The following GTF3C5 variants were observed in gnomAD, a reference collection of about 807,000 sequenced individuals.
The protein encoded by GTF3C5 is general transcription factor 3C polypeptide 5.
A neutral mutation model predicts 61.0 loss-of-function variants in GTF3C5; 47 were observed. The observed-to-expected ratio is 0.77, with a 90% CI of 0.61 to 0.98. The LOEUF (loss-of-function observed/expected upper bound fraction) is 0.98. Among genes scored for constraint, GTF3C5 ranks in the 50% least tolerant of loss-of-function variants. The pLI is 0.00. For synonymous variants in GTF3C5, 295 were observed against 275.4 expected (o/e 1.07, Z -0.71); for missense variants, 659 against 703.3 (o/e 0.94, Z 0.71).
chr9:133,032,919 A>G (rs1243465768), intron 1 of GTF3C5, among the ~76,000 whole-genome samples: 3 of 152,202 alleles, frequency 2.0e-5, no homozygotes, highest in East Asian at 1.9e-4. Flanking sequence ...GAACAGTATT[A>G]TTTGGGATAA....
chr9:133,042,000 G>A lies in GTF3C5; in HGVS notation c.154-87G>A, dbSNP rs192088047. The A allele has an allele frequency of 3.0e-5, 27 of 890,168 alleles. No homozygotes were observed. In the Admixed American group the frequency reaches 4.5e-4, roughly 15 times the overall value. 55.1% of individuals were successfully genotyped at this position (890,168 alleles called of 1,614,324 possible). ...GCCTCCTGGCCTTTCCTGGATCACC[G>A]TCAGGCTTTTATTGAGAGAGGAGCA... On this transcript the variant is annotated intron_variant, in intron 1 of 10. Transcript: ENST00000372097.
At position 133,055,440 on chromosome 9, in the gene GTF3C5, G is replaced by C. The variant is rs1171056661; in HGVS notation, c.1168-572G>C. ...TGTCTGGGGCCCTGCCTATTTTCTA[G>C]GTTTTTTAGACCTTTGCTGCCTTCC... On this transcript the variant is annotated intron_variant, in intron 8 of 10. Coordinates refer to ENST00000372097, the MANE Select transcript of GTF3C5 (RefSeq NM_012087.4). The C allele has an allele frequency of 2.4e-6, 3 of 1,235,134 alleles. No individual in the cohort carries two copies. In the Admixed American group the frequency reaches 8.4e-5, roughly 34 times the overall value. The allele number at this position is 1,235,134 out of a possible 1,614,324, so 76.5% of individuals were successfully genotyped here.
At chr9:133,048,259 A>G (rs950090536) in intron 3 of GTF3C5, among the ~76,000 whole-genome samples, 8 of 152,242 alleles carry the variant, frequency 5.3e-5, no homozygotes, top group Non-Finnish European at 1.0e-4. Flanking sequence ...GCACTTTGGG[A>G]GGCCGAGGCG....
chr9:133,045,453 AC>A (rs1410329572), intron 3 of GTF3C5, among the ~76,000 whole-genome samples: 1 of 152,184 alleles, frequency 6.6e-6, no homozygotes, highest in Non-Finnish European at 1.5e-5. Flanking sequence ...ATGGAAAAAA[AC>A]TTTGCATTGT....
At position 133,054,757 on chromosome 9, in the gene GTF3C5, C is replaced by A. The variant is rs554493823; in HGVS notation, c.1115C>A (p.Pro372Gln). The A allele has an allele frequency of 6.3e-7, 1 of 1,584,850 alleles. No homozygotes were observed. Among genetic ancestry groups the A allele is most frequent in the East Asian group, 2.3e-5 (1 of 43,744 alleles). The change falls in exon 8 of 11, where the codon CCG becomes CAG. Residue 372 changes from proline to glutamine, a missense_variant. By Grantham distance (76) the Pro-to-Gln change is moderately conservative. Transcript: ENST00000372097. ...CATGACCTGAAGCAGGGCCTGGGCC[C>A]GTCGGGGACGAGTGGTGCTCGGAAA... The part of the protein sequence containing the change: ...TMHDLKQGLG[P>Q]SGTSGARKPA...
Position 133,056,031 on chromosome 9 carries a change from G to A in GTF3C5, c.1187G>A (p.Arg396Gln), listed in dbSNP as rs769998718. 6 of 1,614,114 alleles carry A rather than the reference G, an allele frequency of 3.7e-6. No homozygotes were observed. The highest frequency in any genetic ancestry group is 2.5e-6 in the Non-Finnish European group (3 of 1,179,982). The change falls in exon 9 of 11, where the codon CGG (arginine) becomes CAG (glutamine). Residue 396 changes from arginine (R) to glutamine (Q), a missense_variant. Transcript: ENST00000372097. ...CACCAGGACTCTGTCTACATCTTCC[G>A]GGAAGGGGCCTTGCCACCCTATCGG... ...YKLKDSVYIF[R>Q]EGALPPYRQM...
At chr9:133,045,322 C>T (rs114546815) in intron 3 of GTF3C5, among the ~76,000 whole-genome samples, 3,759 of 152,316 alleles carry the variant, frequency 0.025, 175 homozygotes, top group African/African-American at 0.085. Flanking sequence ...GTCAGCGCCA[C>T]GTCCCGCCGG....
Position 133,050,854 on chromosome 9 carries a change from A to T in GTF3C5, c.644A>T (p.Asn215Ile). Residue 215 changes from asparagine to isoleucine, a missense_variant, in exon 4 of 11, where the codon AAT becomes ATT. By Grantham distance (149) the Asn-to-Ile change is moderately radical. Transcript: ENST00000372097. The part of the protein sequence containing the change: ...IGLSRARRPH[N>I]AIFVNFEDEE... ...CTGAGCAGAGCCCGGCGCCCCCACAATGCCATCTTTGTCAACTTTGAGGAT... is the reference window on the plus strand; with the variant it reads ...CTGAGCAGAGCCCGGCGCCCCCACATTGCCATCTTTGTCAACTTTGAGGAT... 2.5e-6 allele frequency: 4 copies of T among 1,614,052 alleles called. No individual in the cohort carries two copies. The highest frequency in any genetic ancestry group is 3.4e-6 in the Non-Finnish European group (4 of 1,179,932).
intron 4 of GTF3C5, among the ~76,000 whole-genome samples, chr9:133,051,242 C>T (rs1421041199): frequency 6.6e-6 from 1 of 152,250 alleles, no homozygotes; most frequent in African/African-American, 2.4e-5. Flanking sequence ...AAACGTGGAG[C>T]TCTGGGATCC....
chr9:133,048,007 T>A (rs1564200546), intron 3 of GTF3C5, among the ~76,000 whole-genome samples: 1 of 152,158 alleles, frequency 6.6e-6, no homozygotes, highest in South Asian at 2.1e-4. Flanking sequence ...CGTGTGCCTG[T>A]GGTCTCAGCT....
intron 1 of GTF3C5, among the ~76,000 whole-genome samples, 169 bp downstream of exon 1, chr9:133,031,333 A>ATTTTTG (rs775008956): frequency 2.4e-4 from 37 of 151,940 alleles, no homozygotes; most frequent in Admixed American, 5.2e-4. Context: ...GAAGGGAAGG[A>ATTTTTG]TTTTTGTTTT....
At position 133,058,200 on chromosome 9, in the gene GTF3C5, G is replaced by A. The variant is rs1829997069; in HGVS notation, c.*220G>A. 3.7e-6 allele frequency: 5 copies of A among 1,342,310 alleles called. No individual in the cohort carries two copies. Among genetic ancestry groups the A allele is most frequent in the South Asian group, 1.6e-5 (1 of 60,774 alleles). The allele number at this position is 1,342,310 out of a possible 1,614,324, so 83.1% of individuals were successfully genotyped here. On this transcript the variant is annotated 3_prime_UTR_variant, in exon 11 of 11. Transcript: ENST00000372097. ...CTGAGGGGTTAGGGACATCCCCAAA[G>A]GGTATACCCTGGCTCTGCCACCCAT... is the stretch of plus-strand genomic sequence containing the variant.
chr9:133,054,326 C>T lies in GTF3C5; in HGVS notation c.989-82C>T, dbSNP rs1318496090. The T allele has an allele frequency of 8.9e-5, 106 of 1,188,416 alleles. No individual in the cohort carries two copies. The East Asian group carries it at 2.5e-3, about 28-fold the overall frequency. 73.6% of individuals were successfully genotyped at this position (1,188,416 alleles called of 1,614,324 possible). A position where few individuals can be genotyped will look rare whatever the true frequency, so the allele number is the denominator to read the frequency against. ...TCAGGAGCTGGCCCCATGGACCCAA[C>T]TCCCATCTCCAGTGTGAAGCCAGTG... On this transcript the variant is annotated intron_variant, in intron 6 of 10. Transcript: ENST00000372097.
chr9:133,030,805 G>A (rs1411526919), upstream of GTF3C5: 1 of 671,916 alleles, frequency 1.5e-6, no homozygotes, highest in Non-Finnish European at 2.7e-6. Context: ...AAAAAGTCGA[G>A]GACACGGCGG....
intron 1 of GTF3C5, among the ~76,000 whole-genome samples, chr9:133,039,906 C>G (rs1797473927): frequency 6.6e-6 from 1 of 152,210 alleles, no homozygotes; most frequent in Non-Finnish European, 1.5e-5. Flanking sequence ...GATTTGAACT[C>G]ATGCTTTGCT....
chr9:133,032,766 A>C (rs1470109644), intron 1 of GTF3C5, among the ~76,000 whole-genome samples: 4 of 152,204 alleles, frequency 2.6e-5, no homozygotes, highest in African/African-American at 7.2e-5. Context: ...CAAGGGACAT[A>C]AGGATCGAGG....
chr9:133,033,858 C>T (rs1849795138), intron 1 of GTF3C5, among the ~76,000 whole-genome samples: 1 of 152,176 alleles, frequency 6.6e-6, no homozygotes, highest in Non-Finnish European at 1.5e-5. Flanking sequence ...TGCTTTAGGT[C>T]TCTTACTTCT....
upstream of GTF3C5, chr9:133,030,927 C>T (rs542855608): frequency 1.4e-6 from 2 of 1,474,886 alleles, no homozygotes; most frequent in South Asian, 1.2e-5. Context: ...GAGCCCGGAA[C>T]GATTCCTTCG....
chr9:133,046,774 A>C (rs1850219999), intron 3 of GTF3C5, among the ~76,000 whole-genome samples: 1 of 152,172 alleles, frequency 6.6e-6, no homozygotes, highest in African/African-American at 2.4e-5. Context: ...GAGGGCCCTC[A>C]GAGGAGCTGA....
Sources: gnomAD v4.1 joint callset for allele counts (sites outside exome capture counted in the v4.1 genomes callset) on GRCh38, gnomAD v4.1.1 for gene constraint, MANE v1.5 for transcripts, NCBI Gene and HGNC (gene_info 2026-07-23, HGNC 2026-07-21) for gene names.